The following ROBO1 variants were observed in gnomAD, a reference collection of about 807,000 sequenced individuals.
ROBO1 encodes roundabout homolog 1.
In ROBO1, 149 loss-of-function variants were observed where a neutral mutation model predicts 195.9. That is an observed-to-expected ratio of 0.76 (90% confidence interval 0.67 to 0.87). The LOEUF (loss-of-function observed/expected upper bound fraction) is 0.87. ROBO1 is among the 40% of genes least tolerant of loss of function. The pLI, the probability that ROBO1 is intolerant of heterozygous loss-of-function variation, is 0.00. For synonymous variants in ROBO1, 816 were observed against 733.2 expected, an observed-to-expected ratio of 1.11 and a Z score of -1.82; for missense variants, 1,933 against 2,068.3, an observed-to-expected ratio of 0.93 and a Z score of 1.27.
chr3:79,448,667 A>T (rs893108865), intron 2 of ROBO1, among the ~76,000 whole-genome samples: 2 of 152,202 alleles, frequency 1.3e-5, no homozygotes, highest in Non-Finnish European at 2.9e-5. Flanking sequence ...CAAAGTTGGT[A>T]TATGTAGAGA....
At chr3:79,546,674 T>G (rs1942274990) in intron 2 of ROBO1, among the ~76,000 whole-genome samples, 2 of 152,138 alleles carry the variant, frequency 1.3e-5, no homozygotes. Flanking sequence ...ACACTCAGCA[T>G]TATGTCTCAC....
intron 2 of ROBO1, among the ~76,000 whole-genome samples, chr3:79,140,634 AT>A (rs893108237): frequency 6.6e-6 from 1 of 152,154 alleles, no homozygotes; most frequent in African/African-American, 2.4e-5. Context: ...GATCATCTAT[AT>A]TTTTTAACAA....
At chr3:79,125,275 T>G (rs1412693941) in intron 3 of ROBO1, among the ~76,000 whole-genome samples, 181 bp downstream of exon 3, 1 of 152,232 alleles carries the variant, frequency 6.6e-6, no homozygotes, top group East Asian at 1.9e-4. Flanking sequence ...ATTTCTGTTC[T>G]TAAAAGTGTT....
At chr3:78,747,157 A>G (rs1325385107) in intron 4 of ROBO1, among the ~76,000 whole-genome samples, 1 of 152,138 alleles carries the variant, frequency 6.6e-6, no homozygotes, top group Non-Finnish European at 1.5e-5. Flanking sequence ...TAGTGCCCTC[A>G]CAGTTAGTAT....
intron 3 of ROBO1, among the ~76,000 whole-genome samples, chr3:78,995,418 TC>T (rs1276496488): frequency 6.6e-6 from 1 of 152,034 alleles, no homozygotes; most frequent in Non-Finnish European, 1.5e-5. Flanking sequence ...TCTATCCACC[TC>T]CCTGGCACCA....
Position 78,714,290 on chromosome 3 carries a change from C to T in ROBO1, c.1045+107G>A, listed in dbSNP as rs904910618. On this transcript the variant is annotated intron_variant, in intron 8 of 30. Coordinates refer to ENST00000464233, the MANE Select transcript of ROBO1 (RefSeq NM_002941.4). Reference sequence around the variant, plus strand: ...TTGAAATACATTATTTAGAGCAATACTTAAAGTCTATATGTAACATAGCCC... The same window carrying T: ...TTGAAATACATTATTTAGAGCAATATTTAAAGTCTATATGTAACATAGCCC... The T allele has an allele frequency of 8.9e-6, 10 of 1,128,484 alleles. No homozygotes were observed. The African/African-American group carries it at 1.1e-4, about 12-fold the overall frequency. The allele number at this position is 1,128,484 out of a possible 1,614,324, so 69.9% of individuals were successfully genotyped here.
intron 2 of ROBO1, among the ~76,000 whole-genome samples, chr3:79,305,343 C>A (rs184228293): frequency 6.6e-6 from 1 of 151,708 alleles, no homozygotes; most frequent in Non-Finnish European, 1.5e-5. Flanking sequence ...AAAAATTAGC[C>A]GGGTGTGGTG....
intron 8 of ROBO1, among the ~76,000 whole-genome samples, chr3:78,714,114 C>T (rs2081837269): frequency 6.6e-6 from 1 of 152,156 alleles, no homozygotes; most frequent in African/African-American, 2.4e-5. Context: ...GAGTTTAAAG[C>T]ACATTCTTCG....
At chr3:79,368,323 T>G (rs1396593781) in intron 2 of ROBO1, among the ~76,000 whole-genome samples, 1 of 152,144 alleles carries the variant, frequency 6.6e-6, no homozygotes, top group Non-Finnish European at 1.5e-5. Flanking sequence ...ACCCTTTGTT[T>G]AGATCACAAG....
chr3:78,815,786 A>G (rs2084882726), intron 4 of ROBO1, among the ~76,000 whole-genome samples: 1 of 152,106 alleles, frequency 6.6e-6, no homozygotes, highest in Admixed American at 6.5e-5. Context: ...CTCCACTTGT[A>G]ATTCTACTTC....
intron 2 of ROBO1, among the ~76,000 whole-genome samples, chr3:79,564,648 C>T (rs540520914): frequency 6.6e-6 from 1 of 152,024 alleles, no homozygotes; most frequent in East Asian, 1.9e-4. Flanking sequence ...GTCAAACTTT[C>T]TTGATTTTGC....
intron 4 of ROBO1, among the ~76,000 whole-genome samples, chr3:78,859,170 T>C (rs1474146388): frequency 3.9e-5 from 6 of 152,110 alleles, no homozygotes; most frequent in East Asian, 3.9e-4. Context: ...GAGAGAAATA[T>C]TACCGATAGA....
rs912247058 is a variant in ROBO1 at position 79,047,109 on chromosome 3, T to C, written c.172+78347A>G. Among the ~76,000 whole-genome samples the C allele has an allele frequency of 7.2e-5, 11 of 152,152 alleles. No individual in the cohort carries two copies. The East Asian group carries it at 2.1e-3, about 30-fold the overall frequency. ...ATTGCCTTGAACAGACTTAGAAATC[T>C]GGACGTTGAGGCTGCTGCTGGTGAA... On this transcript the variant is annotated intron_variant, in intron 3 of 30. Coordinates refer to ENST00000464233, the MANE Select transcript of ROBO1 (RefSeq NM_002941.4).
At chr3:78,996,799 T>G (rs1224804836) in intron 3 of ROBO1, among the ~76,000 whole-genome samples, 5 of 152,160 alleles carry the variant, frequency 3.3e-5, no homozygotes, top group Non-Finnish European at 7.4e-5. Flanking sequence ...CAAATATTGT[T>G]TGTGTGTACA....
intron 26 of ROBO1, among the ~76,000 whole-genome samples, chr3:78,621,765 C>G (rs1227691988): frequency 2.0e-5 from 3 of 152,164 alleles, no homozygotes; most frequent in African/African-American, 7.2e-5. Flanking sequence ...ACACTCTAGT[C>G]TCCTGCAAGA....
chr3:79,549,234 T>C (rs966000102), intron 2 of ROBO1, among the ~76,000 whole-genome samples: 6 of 152,284 alleles, frequency 3.9e-5, no homozygotes, highest in East Asian at 3.9e-4. Context: ...AGAAAAACAA[T>C]GGGAACTGTG....
At position 78,607,589 on chromosome 3, in the gene ROBO1, T is replaced by C. The variant is rs183514376; in HGVS notation, c.4436-548A>G. Among the ~76,000 whole-genome samples the C allele has an allele frequency of 4.2e-4, 64 of 152,322 alleles. 1 individual carries two copies. Among genetic ancestry groups the C allele is most frequent in the Admixed American group, 2.1e-3 (32 of 15,304 alleles). ...GACAAAGTTGGTACTTAGTGACATC[T>C]GCTCCTGGGATAGCTAACGCTGGGT... is the stretch of plus-strand genomic sequence containing the variant. On this transcript the variant is annotated intron_variant, in intron 28 of 30. Transcript: ENST00000464233.
At chr3:78,717,692 C>T in intron 6 of ROBO1, 71 bp downstream of exon 6, 1 of 1,515,430 alleles carries the variant, frequency 6.6e-7, no homozygotes. Flanking sequence ...TTTTCTTTCC[C>T]CCTTGTATAC....
chr3:79,006,757 G>GAAAAAAAA (rs11345487), intron 3 of ROBO1, among the ~76,000 whole-genome samples: 1 of 115,244 alleles, frequency 8.7e-6, no homozygotes. Context: ...CAAAATATCG[G>GAAAAAAAA]AAAAAAAAAA....
Sources: allele counts gnomAD v4.1 joint callset (sites outside exome capture counted in the v4.1 genomes callset), GRCh38; gene constraint gnomAD v4.1.1; transcripts MANE v1.5; gene names NCBI Gene and HGNC (gene_info 2026-07-23, HGNC 2026-07-21).